Variants in WAC observed in about 807,000 individuals in gnomAD.
The protein encoded by WAC is WW domain containing adaptor with coiled-coil, also known as WW domain-containing adapter protein with coiled-coil.
Under a neutral mutation model 79.6 loss-of-function variants are expected in WAC, and 11 were observed. The observed-to-expected ratio is 0.14, with a 90% CI of 0.09 to 0.23. The LOEUF (loss-of-function observed/expected upper bound fraction) is 0.23. WAC is among the 10% of genes least tolerant of loss of function. WAC has a pLI of 1.00. For missense variants in WAC, 728 were observed against 773.5 expected (o/e 0.94, Z 0.70); for synonymous variants, 304 against 276.9 (o/e 1.10, Z -0.97).
intron 6 of WAC, among the ~76,000 whole-genome samples, chr10:28,594,238 C>G (rs1196375602): frequency 6.6e-6 from 1 of 152,036 alleles, no homozygotes; most frequent in Non-Finnish European, 1.5e-5. Flanking sequence ...ACGCTTGATA[C>G]ATTTTGACTA....
At chr10:28,573,164 CAG>C (rs1839066234) in intron 3 of WAC, among the ~76,000 whole-genome samples, 1 of 151,552 alleles carries the variant, frequency 6.6e-6, no homozygotes, top group Non-Finnish European at 1.5e-5. Context: ...ATTGTAGAGA[CAG>C]AATCTCTCCC....
intron 3 of WAC, among the ~76,000 whole-genome samples, chr10:28,579,557 C>T (rs915587569): frequency 6.6e-6 from 1 of 151,932 alleles, no homozygotes; most frequent in African/African-American, 2.4e-5. Context: ...CTTGTGAGGT[C>T]GCATATAAAA....
At chr10:28,558,973 A>G (rs1838149557) in intron 3 of WAC, among the ~76,000 whole-genome samples, 1 of 152,200 alleles carries the variant, frequency 6.6e-6, no homozygotes, top group Non-Finnish European at 1.5e-5. Context: ...TCAATTTGTT[A>G]ATATAACAAA....
chr10:28,575,405 CTGTT>C (rs1410902677), intron 3 of WAC, among the ~76,000 whole-genome samples: 1 of 152,186 alleles, frequency 6.6e-6, no homozygotes, highest in Non-Finnish European at 1.5e-5. Flanking sequence ...AACTACCAGA[CTGTT>C]TGCCAAAGCA....
intron 2 of WAC, 50 bp downstream of exon 2, chr10:28,534,084 G>A (rs1836471015): frequency 6.6e-7 from 1 of 1,525,450 alleles, no homozygotes; most frequent in Non-Finnish European, 8.8e-7. Context: ...GGAGGGGGAA[G>A]GGAGGGACTG....
chr10:28,589,674 T>C, intron 4 of WAC, 62 bp from the exon 5 acceptor site: 1 of 1,106,460 alleles, frequency 9.0e-7, no homozygotes, highest in Non-Finnish European at 1.3e-6. Flanking sequence ...TTTGATGTTG[T>C]TGATATTTCA....
chr10:28,614,916 T>C, intron 11 of WAC: 1 of 351,994 alleles, frequency 2.8e-6, no homozygotes, highest in South Asian at 6.1e-5. Context: ...TTTAAAATTT[T>C]ACACAGTGGA....
intron 3 of WAC, among the ~76,000 whole-genome samples, chr10:28,571,393 T>C (rs1838956545): frequency 2.0e-5 from 3 of 152,214 alleles, no homozygotes; most frequent in African/African-American, 4.8e-5. Flanking sequence ...CTTAGTAGTC[T>C]AGCATAACAG....
chr10:28,556,941 T>C (rs1838030876), intron 3 of WAC, among the ~76,000 whole-genome samples: 2 of 152,302 alleles, frequency 1.3e-5, no homozygotes, highest in South Asian at 2.1e-4. Flanking sequence ...AACCATACTT[T>C]TTTTATTATT....
chr10:28,598,640 C>T (rs1488233103), intron 7 of WAC, among the ~76,000 whole-genome samples: 1 of 152,190 alleles, frequency 6.6e-6, no homozygotes, highest in Non-Finnish European at 1.5e-5. Flanking sequence ...AAATGAAGAG[C>T]CTAAACATTA....
chr10:28,562,438 T>C (rs1397929506), intron 3 of WAC, among the ~76,000 whole-genome samples: 1 of 152,202 alleles, frequency 6.6e-6, no homozygotes, highest in Non-Finnish European at 1.5e-5. Flanking sequence ...GCAAATATAA[T>C]GATTGATCAT....
intron 3 of WAC, among the ~76,000 whole-genome samples, chr10:28,554,115 G>A (rs1019815018): frequency 6.6e-6 from 1 of 152,100 alleles, no homozygotes; most frequent in Non-Finnish European, 1.5e-5. Context: ...TGATCTGCCC[G>A]CCTCTTCCTC....
intron 3 of WAC, among the ~76,000 whole-genome samples, chr10:28,540,168 A>G (rs1489258714): frequency 6.6e-6 from 1 of 152,248 alleles, no homozygotes; most frequent in Non-Finnish European, 1.5e-5. Flanking sequence ...ATACAAATTA[A>G]CAGTCGCTTT....
chr10:28,572,086 C>A (rs1370713774), intron 3 of WAC, among the ~76,000 whole-genome samples: 9 of 152,116 alleles, frequency 5.9e-5, no homozygotes, highest in Admixed American at 5.9e-4. Context: ...GGCCTGTAAT[C>A]CCAGCACTTT....
At chr10:28,605,463 T>A (rs1168062400) in intron 7 of WAC, among the ~76,000 whole-genome samples, 2 of 152,160 alleles carry the variant, frequency 1.3e-5, no homozygotes, top group Non-Finnish European at 2.9e-5. Flanking sequence ...TTTAATAAAA[T>A]CAAACCTTTT....
Position 28,583,318 on chromosome 10 carries a change from A to G in WAC, c.275-81A>G, listed in dbSNP as rs543586740. The G allele has an allele frequency of 1.0e-5, 10 of 994,600 alleles. 1 individual carries two copies. In the East Asian group the frequency reaches 1.6e-4, roughly 15 times the overall value. The allele number at this position is 994,600 out of a possible 1,614,324, so 61.6% of individuals were successfully genotyped here. A position where few individuals can be genotyped will look rare whatever the true frequency, so the allele number is the denominator to read the frequency against. On this transcript the variant is annotated intron_variant, in intron 3 of 13. Transcript: ENST00000354911. ...TGTTCGTTTAGAGATATAAAATAAT[A>G]TCTAGTATGATAGAAAACAGTTTAG...
chr10:28,610,925 GTT>G, intron 9 of WAC, 104 bp downstream of exon 9: 1 of 1,016,962 alleles, frequency 9.8e-7, no homozygotes, highest in Non-Finnish European at 1.3e-6. Flanking sequence ...TTTTTTTTTA[GTT>G]TTTTAAGAGA....
intron 7 of WAC, among the ~76,000 whole-genome samples, chr10:28,597,656 A>G (rs1224544454): frequency 3.3e-5 from 5 of 152,174 alleles, no homozygotes; most frequent in Non-Finnish European, 7.3e-5. Flanking sequence ...GTTCAGACTT[A>G]CGTATCTACT....
chr10:28,583,868 T>C (rs1014190963), intron 4 of WAC, among the ~76,000 whole-genome samples: 2 of 152,124 alleles, frequency 1.3e-5, no homozygotes, highest in Admixed American at 6.5e-5. Context: ...AAACTCCTTA[T>C]AGGATACATT....
Sources: gnomAD v4.1 joint callset for allele counts (sites outside exome capture counted in the v4.1 genomes callset) on GRCh38, gnomAD v4.1.1 for gene constraint, MANE v1.5 for transcripts, NCBI Gene and HGNC (gene_info 2026-07-23, HGNC 2026-07-21) for gene names.